The following RABL2A variants were observed in gnomAD, a reference collection of about 807,000 sequenced individuals.
RABL2A encodes RAB, member of RAS oncogene family like 2A, also known as rab-like protein 2A.
A neutral mutation model predicts 30.7 loss-of-function variants in RABL2A; 17 were observed. That is an observed-to-expected ratio of 0.55 (90% CI 0.38 to 0.83). The LOEUF (loss-of-function observed/expected upper bound fraction) is 0.83. Ranked by LOEUF, RABL2A falls within the 40% of genes least tolerant of loss-of-function variation. RABL2A has a pLI of 0.00. For missense variants in RABL2A, 155 were observed against 272.6 expected, an observed-to-expected ratio of 0.57 and a Z score of 3.04; for synonymous variants, 64 against 101.8, an observed-to-expected ratio of 0.63 and a Z score of 2.24.
Position 113,640,382 on chromosome 2 carries a change from T to C in RABL2A, c.298-512T>C, listed in dbSNP as rs565769079. On this transcript the variant is annotated intron_variant, in intron 5 of 8. Transcript: ENST00000683472. Reference sequence around the variant, plus strand: ...TAACAAAAAAGGAATACGTTATTTATTTGTTTATTTCAGACAGAGTTTTGC... The same window carrying C: ...TAACAAAAAAGGAATACGTTATTTACTTGTTTATTTCAGACAGAGTTTTGC... 861 of 158,466 alleles carry C rather than the reference T, an allele frequency of 5.4e-3. 7 individuals carry two copies. The highest frequency in any genetic ancestry group is 0.019 in the African/African-American group (795 of 41,548). 9.8% of individuals were successfully genotyped at this position (158,466 alleles called of 1,614,324 possible).
intron 5 of RABL2A, chr2:113,637,317 C>T (rs1179309221): frequency 2.0e-6 from 2 of 991,448 alleles, no homozygotes; most frequent in Non-Finnish European, 2.4e-6. Context: ...TCAATGCCAC[C>T]ACCTCCGTGC....
At chr2:113,638,534 C>T in intron 5 of RABL2A, 1 of 985,378 alleles carries the variant, frequency 1.0e-6, no homozygotes, top group Non-Finnish European at 1.2e-6. Flanking sequence ...GCCCTTAGAG[C>T]TGGTTTGCAG....
chr2:113,628,285 C>T, intron 1 of RABL2A: 6 of 311,972 alleles, frequency 1.9e-5, no homozygotes, highest in South Asian at 1.8e-4. Context: ...TAATGTTGCA[C>T]ACAGCCTTTG....
In RABL2A at chr2:113,643,179, T is replaced by C. The variant is rs1396357777; in HGVS notation, c.*1050T>C. The C allele has an allele frequency of 2.3e-6, 1 of 442,408 alleles. No homozygotes were observed. Among genetic ancestry groups the C allele is most frequent in the African/African-American group, 2.0e-5 (1 of 48,884 alleles). 27.4% of individuals were successfully genotyped at this position (442,408 alleles called of 1,614,324 possible). On this transcript the variant is annotated 3_prime_UTR_variant, in exon 9 of 9. Coordinates refer to ENST00000683472, the MANE Select transcript of RABL2A (RefSeq NM_001306158.2). ...CTATTTCAGCATAAAGAGGCTGTCC[T>C]TTTTTTTTAGGAATAGTTTGGACCT...
chr2:113,634,960 G>A (rs1256271980), intron 4 of RABL2A, 91 bp from the exon 5 acceptor site: 3 of 1,425,412 alleles, frequency 2.1e-6, no homozygotes, highest in Middle Eastern at 1.8e-4. Flanking sequence ...ACTCACACAT[G>A]TGCTGTGGTT....
At chr2:113,638,308 C>T in intron 5 of RABL2A, 1 of 985,442 alleles carries the variant, frequency 1.0e-6, no homozygotes, top group Non-Finnish European at 1.2e-6. Context: ...ACAGGGCGAG[C>T]CCCTAGCCCT....
intron 5 of RABL2A, among the ~76,000 whole-genome samples, chr2:113,636,997 TAAA>T (rs1443170260): frequency 2.1e-5 from 2 of 95,636 alleles, no homozygotes; most frequent in African/African-American, 6.9e-5. Flanking sequence ...TCAAAAAAAA[TAAA>T]AAAATAAAAA....
intron 5 of RABL2A, chr2:113,638,314 G>T: frequency 3.0e-6 from 3 of 985,462 alleles, no homozygotes; most frequent in Non-Finnish European, 3.6e-6. Context: ...CGAGCCCCTA[G>T]CCCTGAGCTT....
Position 113,639,129 on chromosome 2 carries a change from TAAAC to T in RABL2A, c.298-1761_298-1758del, listed in dbSNP as rs369379273. Among the ~76,000 whole-genome samples the T allele has an allele frequency of 2.4e-3, 352 of 148,244 alleles. 1 individual carries two copies. Among genetic ancestry groups the T allele is most frequent in the Non-Finnish European group, 4.3e-3 (284 of 66,804 alleles). Reference sequence around the variant, plus strand: ...GAGAGCTTATCATCTCTACAAAAAATAAACAAAATTAGCCAGGCATGGTGGCATG... The same window carrying T: ...GAGAGCTTATCATCTCTACAAAAAATAAAATTAGCCAGGCATGGTGGCATG... On this transcript the variant is annotated intron_variant, in intron 5 of 8. Coordinates refer to ENST00000683472, the MANE Select transcript of RABL2A (RefSeq NM_001306158.2).
intron 1 of RABL2A, chr2:113,627,744 C>G (rs918584078): frequency 7.9e-6 from 2 of 252,878 alleles, no homozygotes; most frequent in Non-Finnish European, 1.5e-5. Context: ...GATCGCGCCA[C>G]TGCACTCCAG....
Position 113,642,379 on chromosome 2 carries a change from C to G in RABL2A, c.*250C>G, listed in dbSNP as rs1232784249. On this transcript the variant is annotated 3_prime_UTR_variant, in exon 9 of 9. Transcript: ENST00000683472. ...AATTAGGGATCAGCATCATTAACAC[C>G]TTCCCCACCCCCTCCCCCCAGGCAG... 1.2e-6 allele frequency: 1 copy of G among 817,752 alleles called. No individual in the cohort carries two copies. The highest frequency in any genetic ancestry group is 1.8e-6 in the Non-Finnish European group (1 of 541,754). 50.7% of individuals were successfully genotyped at this position (817,752 alleles called of 1,614,324 possible).
rs190600210 is a variant in RABL2A at position 113,637,585 on chromosome 2, C to A, written c.297+2455C>A. The A allele has an allele frequency of 5.0e-6, 6 of 1,210,416 alleles. No individual in the cohort carries two copies. In the African/African-American group the frequency reaches 8.0e-5, roughly 16 times the overall value. 75.0% of individuals were successfully genotyped at this position (1,210,416 alleles called of 1,614,324 possible). On this transcript the variant is annotated intron_variant, in intron 5 of 8. Transcript: ENST00000683472. ...GAAGGAACTCGTCACCTAATTCCCC[C>A]GACTGCCCGTTAAGAACAAAATCCC...
chr2:113,636,384 CCA>C (rs59421022), intron 5 of RABL2A, among the ~76,000 whole-genome samples: 42,380 of 151,460 alleles, frequency 0.28, 5,855 homozygotes, highest in Middle Eastern at 0.45. Flanking sequence ...GGGCATCTCC[CCA>C]CACACACACT....
chr2:113,638,056 A>G (rs528138303), intron 5 of RABL2A: 18 of 985,314 alleles, frequency 1.8e-5, no homozygotes, highest in Non-Finnish European at 2.2e-5. Context: ...CATTCTAGCC[A>G]GTTCCTCCTC....
At chr2:113,634,063 G>A in intron 3 of RABL2A, 90 bp from the exon 4 acceptor site, 1 of 1,492,598 alleles carries the variant, frequency 6.7e-7, no homozygotes, top group Non-Finnish European at 9.1e-7. Flanking sequence ...AGAGGAGGGA[G>A]AGGATCCATT....
Position 113,642,397 on chromosome 2 carries a change from C to G in RABL2A, c.*268C>G, listed in dbSNP as rs1291166663. 30 of 666,352 alleles carry G rather than the reference C, an allele frequency of 4.5e-5. No homozygotes were observed. The highest frequency in any genetic ancestry group is 4.0e-4 in the African/African-American group (22 of 54,972). 41.3% of individuals were successfully genotyped at this position (666,352 alleles called of 1,614,324 possible). A position where few individuals can be genotyped will look rare whatever the true frequency, so the allele number is the denominator to read the frequency against. On this transcript the variant is annotated 3_prime_UTR_variant, in exon 9 of 9. Coordinates refer to ENST00000683472, the MANE Select transcript of RABL2A (RefSeq NM_001306158.2). ...TTAACACCTTCCCCACCCCCTCCCC[C>G]CAGGCAGACAGTGAAGAGAATCAGA...
intron 5 of RABL2A, among the ~76,000 whole-genome samples, chr2:113,636,943 C>T (rs793072): frequency 1.3e-5 from 2 of 150,684 alleles, no homozygotes; most frequent in South Asian, 2.1e-4. Context: ...GAGCCGAGAT[C>T]GCGCCACTGC....
rs1679030787 is a variant in RABL2A, at chr2:113,628,620, A to C, written c.14A>C (p.Lys5Thr). 6.6e-7 allele frequency: 1 copy of C among 1,519,744 alleles called. No homozygotes were observed. The highest frequency in any genetic ancestry group is 8.9e-7 in the Non-Finnish European group (1 of 1,124,996). 94.1% of individuals were successfully genotyped at this position (1,519,744 alleles called of 1,614,324 possible). The change falls in exon 2 of 9, where the codon AAA (lysine) becomes ACA (threonine). Residue 5 changes from lysine to threonine, a missense_variant. Lys to Thr is a moderately conservative substitution (Grantham distance 78, BLOSUM62 -1). Around this residue, in one of 5 missense-constraint regions of RABL2A, gnomAD observed 10 missense variants for 45.2 expected, o/e 0.22. Transcript: ENST00000683472. Reference sequence around the variant, plus strand: ...AGCTAGGAGCCAATGGCAGAAGACAAAACCAAACCGAGTGAGTTGGACCAA... The same window carrying C: ...AGCTAGGAGCCAATGGCAGAAGACACAACCAAACCGAGTGAGTTGGACCAA... MAED[K>T]TKPSELDQGK...
chr2:113,628,384 C>T, intron 1 of RABL2A, 170 bp from the exon 2 acceptor site: 2 of 487,968 alleles, frequency 4.1e-6, no homozygotes, highest in East Asian at 8.6e-5. Context: ...TTGTGTATAA[C>T]ATATTACTGA....
Sources: gnomAD v4.1 joint callset for allele counts (sites outside exome capture counted in the v4.1 genomes callset) on GRCh38, gnomAD v4.1.1 for gene constraint, gnomAD v4.1.1 regional missense constraint, MANE v1.5 for transcripts, NCBI Gene and HGNC (gene_info 2026-07-23, HGNC 2026-07-21) for gene names.